Variants in CUBN observed in about 807,000 individuals in gnomAD.
The protein encoded by CUBN is 460 kDa receptor.
A neutral mutation model predicts 405.3 loss-of-function variants in CUBN; 282 were observed. The observed-to-expected ratio is 0.70, with a 90% CI of 0.63 to 0.77. The LOEUF (loss-of-function observed/expected upper bound fraction) is 0.77, where lower values mean the gene tolerates loss of function less well. Among genes scored for constraint, CUBN ranks in the 30% least tolerant of loss-of-function variants. The pLI is 0.00. For missense variants in CUBN, 4,514 were observed against 4,475.2 expected (o/e 1.01, Z -0.25); for synonymous variants, 1,684 against 1,617.0 (o/e 1.04, Z -0.99).
Position 16,950,181 on chromosome 10 carries a change from A to C in CUBN, c.4970-70T>G, listed in dbSNP as rs1194995185. ...AAAACATACAGGGAGATGGGGCAAG[A>C]CGGGGAGGTGGGGATGGTTAATGAC... is the stretch of plus-strand genomic sequence containing the variant. On this transcript the variant is annotated intron_variant, in intron 33 of 66. Coordinates refer to ENST00000377833, the MANE Select transcript of CUBN (RefSeq NM_001081.4). 3.8e-6 allele frequency: 4 copies of C among 1,060,652 alleles called. No homozygotes were observed. In the African/African-American group the frequency reaches 6.2e-5, roughly 17 times the overall value. The allele number at this position is 1,060,652 out of a possible 1,614,324, so 65.7% of individuals were successfully genotyped here. A position where few individuals can be genotyped will look rare whatever the true frequency, so the allele number is the denominator to read the frequency against.
intron 28 of CUBN, among the ~76,000 whole-genome samples, chr10:17,007,269 A>T (rs1245351661): frequency 2.0e-5 from 3 of 148,812 alleles, no homozygotes; most frequent in African/African-American, 7.4e-5. Flanking sequence ...CCATGAACCG[A>T]TTAGAGACAG....
At chr10:16,901,661 C>T (rs1841376406) in intron 51 of CUBN, among the ~76,000 whole-genome samples, 1 of 151,912 alleles carries the variant, frequency 6.6e-6, no homozygotes, top group South Asian at 2.1e-4. Flanking sequence ...CAAGACCAGC[C>T]TGGCCAACAT....
chr10:17,055,781 A>G (rs1272588377), intron 22 of CUBN, among the ~76,000 whole-genome samples: 3 of 152,170 alleles, frequency 2.0e-5, no homozygotes, highest in African/African-American at 7.2e-5. Context: ...GAAGATCTGA[A>G]TAAATGGAGA....
chr10:17,058,718 T>C (rs1209917834), intron 22 of CUBN, among the ~76,000 whole-genome samples: 1 of 152,060 alleles, frequency 6.6e-6, no homozygotes, highest in Non-Finnish European at 1.5e-5. Context: ...ACAATATAAA[T>C]GGCTCCTTCT....
chr10:17,114,218 G>C, intron 7 of CUBN, 29 bp from the exon 8 acceptor site: 4 of 1,610,954 alleles, frequency 2.5e-6, no homozygotes, highest in Non-Finnish European at 3.4e-6. Flanking sequence ...CGTGAATAAA[G>C]ACAATCATGA....
intron 39 of CUBN, among the ~76,000 whole-genome samples, chr10:16,936,842 G>C (rs887311540): frequency 2.0e-5 from 3 of 151,900 alleles, no homozygotes; most frequent in Admixed American, 6.6e-5. Context: ...TCAGCCTCCC[G>C]AGTAGCTGAG....
chr10:17,081,886 G>C (rs1340542123), intron 17 of CUBN, among the ~76,000 whole-genome samples: 1 of 152,086 alleles, frequency 6.6e-6, no homozygotes, highest in Non-Finnish European at 1.5e-5. Flanking sequence ...CTTTAGGTTG[G>C]TTGGTCAAAG....
chr10:16,835,117 T>C lies in CUBN; in HGVS notation c.10259A>G (p.Asp3420Gly). The change falls in exon 64 of 67, where the codon GAT becomes GGT. Residue 3420 changes from aspartate (D) to glycine (G), a missense_variant. Physicochemically the swap from Asp to Gly is moderately conservative, Grantham distance 94. Coordinates refer to ENST00000377833, the MANE Select transcript of CUBN (RefSeq NM_001081.4). ...GWPDNYDNDKDCTVTLTAPQN... is the reference protein window; with the variant it reads ...GWPDNYDNDKGCTVTLTAPQN... ...GGGGGCTGTGAGAGTAACGGTGCAA[T>C]CCTTGTCATTGTCGTAGTTATCTGG... 2 of 1,614,116 alleles carry C rather than the reference T, an allele frequency of 1.2e-6. No homozygotes were observed. The highest frequency in any genetic ancestry group is 2.2e-5 in the East Asian group (1 of 44,882).
Position 16,824,961 on chromosome 10 carries a change from G to C in CUBN, c.*14C>G. On this transcript the variant is annotated 3_prime_UTR_variant, in exon 67 of 67. Coordinates refer to ENST00000377833, the MANE Select transcript of CUBN (RefSeq NM_001081.4). The stretch of plus-strand genomic sequence containing the variant: ...CAGAGGGAAAGTGCTGAGTGAACAC[G>C]AGTTGTTACCCACTTAGCTGTCCCA... 1 of 1,587,772 alleles carries C rather than the reference G, an allele frequency of 6.3e-7. No individual in the cohort carries two copies. The highest frequency in any genetic ancestry group is 8.6e-7 in the Non-Finnish European group (1 of 1,156,228).
At chr10:16,990,607 T>C in intron 28 of CUBN, 92 bp from the exon 29 acceptor site, 6 of 1,020,214 alleles carry the variant, frequency 5.9e-6, no homozygotes, top group Non-Finnish European at 9.0e-6. Flanking sequence ...CCATCAAAAA[T>C]ATACAATGCT....
Position 16,996,466 on chromosome 10 carries a change from A to G in CUBN, c.4169-5951T>C, listed in dbSNP as rs1219830682. ...TTACAAGCTGTTGCTAAACCTGCTT[A>G]CTTGTGTAGATAACTTAAAATACCT... is the stretch of plus-strand genomic sequence containing the variant. On this transcript the variant is annotated intron_variant, in intron 28 of 66. Transcript: ENST00000377833. Among the ~76,000 whole-genome samples the G allele has an allele frequency of 2.6e-5, 4 of 152,228 alleles. No homozygotes were observed. In the South Asian group the frequency reaches 6.2e-4, roughly 24 times the overall value.
intron 48 of CUBN, among the ~76,000 whole-genome samples, chr10:16,912,554 A>G (rs1305149869): frequency 6.6e-6 from 1 of 152,180 alleles, no homozygotes; most frequent in East Asian, 1.9e-4. Context: ...GGTCTGTAAT[A>G]TAAGGTACTT....
intron 22 of CUBN, among the ~76,000 whole-genome samples, chr10:17,063,556 T>G (rs144686078): frequency 1.7e-4 from 26 of 152,330 alleles, no homozygotes; most frequent in African/African-American, 6.3e-4. Flanking sequence ...TTTTCCTGAC[T>G]CATTTTTATT....
Position 17,104,496 on chromosome 10 carries a change from C to T in CUBN, c.1340G>A (p.Cys447Tyr). 6.2e-7 allele frequency: 1 copy of T among 1,614,030 alleles called. No homozygotes were observed. The highest frequency in any genetic ancestry group is 8.5e-7 in the Non-Finnish European group (1 of 1,179,996). ...LSNPCLNGGT[C>Y]VDGVDSFSCE... The stretch of plus-strand genomic sequence containing the variant: ...ACTGAAAGAATCAACGCCATCAACA[C>T]AAGTTCCTCCATTCAAACAGGGGTT... The change falls in exon 12 of 67, where the codon TGT (cysteine) becomes TAT (tyrosine). Residue 447 changes from cysteine to tyrosine, a missense_variant. Around this residue, in one of 5 missense-constraint regions of CUBN, gnomAD observed 1,448 missense variants for 1,388.0 expected, o/e 1.04. Coordinates refer to ENST00000377833, the MANE Select transcript of CUBN (RefSeq NM_001081.4).
At chr10:16,878,116 T>C (rs1840564870) in intron 56 of CUBN, among the ~76,000 whole-genome samples, 1 of 152,162 alleles carries the variant, frequency 6.6e-6, no homozygotes, top group Non-Finnish European at 1.5e-5. Context: ...GGCAAAACCC[T>C]GTCTCTACTA....
At chr10:16,940,799 TA>T (rs1249527902) in intron 36 of CUBN, among the ~76,000 whole-genome samples, 1 of 150,612 alleles carries the variant, frequency 6.6e-6, no homozygotes, top group Non-Finnish European at 1.5e-5. Context: ...AGGTAAATAA[TA>T]AAAAAAAAGA....
At chr10:17,031,402 G>A (rs566302160) in intron 27 of CUBN, among the ~76,000 whole-genome samples, 2 of 152,026 alleles carry the variant, frequency 1.3e-5, no homozygotes, top group Admixed American at 1.3e-4. Flanking sequence ...TGGATTCATT[G>A]ACTCTTATTA....
Position 16,933,216 on chromosome 10 carries a change from T to G in CUBN, c.5995A>C (p.Ser1999Arg). ...GTACAGTCCACTCTATTACTGTAAC[T>G]GTCAGGCCAGCCCGGGGAGAAGAGA... ...VFLFSPGWPD[S>R]YSNRVDCTWL... The change falls in exon 40 of 67, where the codon AGT becomes CGT. Residue 1999 changes from serine (S) to arginine (R), a missense_variant. Ser to Arg is a moderately radical substitution (Grantham distance 110). Around this residue, in one of 5 missense-constraint regions of CUBN, gnomAD observed 1,613 missense variants for 1,542.8 expected, o/e 1.05. Coordinates refer to ENST00000377833, the MANE Select transcript of CUBN (RefSeq NM_001081.4). 1 of 1,614,136 alleles carries G rather than the reference T, an allele frequency of 6.2e-7. No homozygotes were observed. The highest frequency in any genetic ancestry group is 8.5e-7 in the Non-Finnish European group (1 of 1,180,004).
chr10:16,984,645 C>T (rs561869584), intron 29 of CUBN, among the ~76,000 whole-genome samples: 11 of 152,022 alleles, frequency 7.2e-5, no homozygotes, highest in African/African-American at 2.7e-4. Context: ...AATATTAAGT[C>T]GATTTTCTGA....
Sources: allele counts gnomAD v4.1 joint callset (sites outside exome capture counted in the v4.1 genomes callset), GRCh38; gene constraint gnomAD v4.1.1; regional missense constraint gnomAD v4.1.1; transcripts MANE v1.5; gene names NCBI Gene and HGNC (gene_info 2026-07-23, HGNC 2026-07-21).